Variants in PITPNA observed in about 807,000 individuals in gnomAD.
The protein encoded by PITPNA is phosphatidylinositol transfer protein alpha isoform.
A neutral mutation model predicts 50.3 loss-of-function variants in PITPNA; 13 were observed. The ratio of observed to expected loss-of-function variants is 0.26; its 90% CI spans 0.17 to 0.41. The LOEUF (loss-of-function observed/expected upper bound fraction) is 0.41, where lower values mean the gene tolerates loss of function less well. PITPNA is among the 10% of genes least tolerant of loss of function. The pLI, the probability that PITPNA is intolerant of heterozygous loss-of-function variation, is 1.00. For synonymous variants in PITPNA, 120 were observed against 119.6 expected, an observed-to-expected ratio of 1.00 and a Z score of -0.02; for missense variants, 207 against 333.4, an observed-to-expected ratio of 0.62 and a Z score of 2.95.
chr17:1,557,342 A>G (rs1220638043), intron 2 of PITPNA, among the ~76,000 whole-genome samples: 3 of 152,122 alleles, frequency 2.0e-5, no homozygotes, highest in Admixed American at 6.5e-5. Context: ...TGCTGGCCTG[A>G]TTTCATTTTT....
rs889267479 is a variant in PITPNA at position 1,562,116 on chromosome 17, C to G, written c.20+425G>C. ...GGGCCAGCTCTCCCTGCCCTGACCCCGTCTCGGGCCTGGCCTCGCCCTCGC... is the reference window on the plus strand; with the variant it reads ...GGGCCAGCTCTCCCTGCCCTGACCCGGTCTCGGGCCTGGCCTCGCCCTCGC... On this transcript the variant is annotated intron_variant, in intron 1 of 11. Transcript: ENST00000313486. The surrounding 1 kb of genome is among the most constrained non-coding windows in gnomAD (Gnocchi z 6.4). Among the ~76,000 whole-genome samples, 9 of 152,266 alleles carry G rather than the reference C, an allele frequency of 5.9e-5. No individual in the cohort carries two copies. The highest frequency in any genetic ancestry group is 1.9e-4 in the African/African-American group (8 of 41,568).
intron 8 of PITPNA, 29 bp downstream of exon 8, chr17:1,535,412 C>T (rs1298956002): frequency 6.3e-7 from 1 of 1,582,176 alleles, no homozygotes; most frequent in Non-Finnish European, 8.7e-7. Flanking sequence ...TGCTGCCCAG[C>T]CCCCTGGCAG....
At chr17:1,542,087 C>G (rs1398295983) in intron 5 of PITPNA, among the ~76,000 whole-genome samples, 1 of 151,988 alleles carries the variant, frequency 6.6e-6, no homozygotes, top group Non-Finnish European at 1.5e-5. Context: ...GTAATCCCAG[C>G]TACTCGGGAG....
intron 2 of PITPNA, among the ~76,000 whole-genome samples, chr17:1,558,076 T>C (rs183031953): frequency 7.2e-5 from 11 of 151,822 alleles, no homozygotes; most frequent in African/African-American, 2.7e-4. Context: ...ACTAAAGATA[T>C]AAAAATTAGC....
At chr17:1,542,959 A>G (rs946755702) in intron 5 of PITPNA, 61 bp downstream of exon 5, 7 of 1,367,674 alleles carry the variant, frequency 5.1e-6, no homozygotes, top group Non-Finnish European at 7.2e-6. Context: ...GTGCAGTTAC[A>G]TTTTTCTCTC....
At chr17:1,557,062 G>T (rs953676872) in intron 2 of PITPNA, among the ~76,000 whole-genome samples, 5 of 152,150 alleles carry the variant, frequency 3.3e-5, no homozygotes, top group African/African-American at 7.2e-5. Flanking sequence ...TACATCCCCA[G>T]TGCCTACAGG....
intron 1 of PITPNA, among the ~76,000 whole-genome samples, chr17:1,558,769 A>ACCCCCCCCCCC (rs147366133): frequency 1.0e-3 from 23 of 22,700 alleles, no homozygotes; most frequent in African/African-American, 1.9e-3. Context: ...CTGTGACAAC[A>ACCCCCCCCCCC]CCCCCCCCCC....
intron 1 of PITPNA, among the ~76,000 whole-genome samples, chr17:1,561,725 C>T (rs3826462): frequency 0.09 from 13,652 of 152,100 alleles, 1,282 homozygotes; most frequent in East Asian, 0.42. Context: ...GCATCTCAGC[C>T]CCCTCTGCAT....
intron 3 of PITPNA, among the ~76,000 whole-genome samples, chr17:1,552,285 T>C (rs146672627): frequency 1.6e-3 from 248 of 152,360 alleles, no homozygotes; most frequent in Non-Finnish European, 2.5e-3. Flanking sequence ...GGTTTACCTT[T>C]ACCAGTTCTG....
intron 10 of PITPNA, among the ~76,000 whole-genome samples, chr17:1,526,911 C>T (rs1022060617): frequency 2.0e-5 from 3 of 151,840 alleles, no homozygotes; most frequent in African/African-American, 7.3e-5. Flanking sequence ...ATTAGAGGTG[C>T]ACCACATCCA....
chr17:1,542,340 A>T lies in PITPNA; in HGVS notation c.297+680T>A, dbSNP rs892461696. On this transcript the variant is annotated intron_variant, in intron 5 of 11. Coordinates refer to ENST00000313486, the MANE Select transcript of PITPNA (RefSeq NM_006224.4). ...CACAGAAGACTTCCTAACCCATCGAAGATACTCACCATGGCCCCTTTCCCT... is the reference window on the plus strand; with the variant it reads ...CACAGAAGACTTCCTAACCCATCGATGATACTCACCATGGCCCCTTTCCCT... Among the ~76,000 whole-genome samples the T allele has an allele frequency of 5.3e-5, 8 of 152,268 alleles. 1 individual carries two copies. Among genetic ancestry groups the T allele is most frequent in the Admixed American group, 3.3e-4 (5 of 15,288 alleles).
chr17:1,536,773 T>A (rs2075620386), intron 7 of PITPNA, among the ~76,000 whole-genome samples: 2 of 148,750 alleles, frequency 1.3e-5, no homozygotes, highest in African/African-American at 2.5e-5. Context: ...TTTGTATTTT[T>A]GTAGAGACGG....
intron 10 of PITPNA, among the ~76,000 whole-genome samples, chr17:1,529,882 T>A (rs2075571279): frequency 1.3e-5 from 2 of 150,872 alleles, no homozygotes; most frequent in Admixed American, 1.3e-4. Flanking sequence ...AGAAAACAAG[T>A]TTTCTTAACA....
At chr17:1,551,640 G>C (rs2075709961) in intron 3 of PITPNA, among the ~76,000 whole-genome samples, 1 of 152,200 alleles carries the variant, frequency 6.6e-6, no homozygotes, top group Non-Finnish European at 1.5e-5. Context: ...TGTCAGTTTG[G>C]TTGGACCAAC....
At chr17:1,549,885 G>A (rs189110750) in intron 3 of PITPNA, among the ~76,000 whole-genome samples, 1 of 152,044 alleles carries the variant, frequency 6.6e-6, no homozygotes, top group African/African-American at 2.4e-5. Context: ...ATGTAGGCCA[G>A]GCTGGTCTCG....
intron 2 of PITPNA, among the ~76,000 whole-genome samples, chr17:1,555,826 C>G (rs1260020475): frequency 1.3e-5 from 2 of 152,162 alleles, no homozygotes; most frequent in Admixed American, 1.3e-4. Flanking sequence ...GTGGACACAC[C>G]CCGTCAAACA....
chr17:1,543,156 G>C, intron 4 of PITPNA, 129 bp from the exon 5 acceptor site: 1 of 661,508 alleles, frequency 1.5e-6, no homozygotes, highest in Non-Finnish European at 2.6e-6. Context: ...CTTATTCCAC[G>C]GTCACCTCCA....
At position 1,552,690 on chromosome 17, in the gene PITPNA, C is replaced by T. The variant is rs529085517; in HGVS notation, c.197+314G>A. Among the ~76,000 whole-genome samples the T allele has an allele frequency of 8.5e-5, 13 of 152,232 alleles. No homozygotes were observed. The South Asian group carries it at 1.9e-3, about 22-fold the overall frequency. ...GCATCTGGAAATGACTAGAAATATG[C>T]GTCAAGACAGGAGGGTTCAACAACC... On this transcript the variant is annotated intron_variant, in intron 3 of 11. Coordinates refer to ENST00000313486, the MANE Select transcript of PITPNA (RefSeq NM_006224.4).
At chr17:1,548,635 G>T (rs1255753056) in intron 3 of PITPNA, among the ~76,000 whole-genome samples, 1 of 152,126 alleles carries the variant, frequency 6.6e-6, no homozygotes, top group Non-Finnish European at 1.5e-5. Context: ...CAGGCTACCT[G>T]CTGTGGCTCA....
Sources: allele counts gnomAD v4.1 joint callset (sites outside exome capture counted in the v4.1 genomes callset), GRCh38; gene constraint gnomAD v4.1.1; non-coding constraint Gnocchi (gnomAD v3.1); transcripts MANE v1.5; gene names NCBI Gene and HGNC (gene_info 2026-07-23, HGNC 2026-07-21).